The following DOCK6 variants were observed in gnomAD, a reference collection of about 807,000 sequenced individuals.
DOCK6 encodes dedicator of cytokinesis protein 6.
Under a neutral mutation model 230.3 loss-of-function variants are expected in DOCK6, and 167 were observed. The ratio of observed to expected loss-of-function variants is 0.73; its 90% CI spans 0.64 to 0.82. The LOEUF (loss-of-function observed/expected upper bound fraction) is 0.82. DOCK6 is among the 40% of genes least tolerant of loss of function. The probability of loss-of-function intolerance (pLI) is 0.00; values close to 1 mark genes in which losing one functional copy is unlikely to be tolerated. For synonymous variants in DOCK6, 1,148 were observed against 1,185.0 expected (o/e 0.97, Z 0.64); for missense variants, 2,598 against 2,825.8 (o/e 0.92, Z 1.83).
chr19:11,233,765 A>T (rs1232211406), intron 21 of DOCK6, among the ~76,000 whole-genome samples: 2 of 152,000 alleles, frequency 1.3e-5, no homozygotes, highest in Non-Finnish European at 2.9e-5. Context: ...ACTTGAGCCC[A>T]GGAGTTTAAG....
In DOCK6 at chr19:11,214,718, C is replaced by T. The variant is rs1199732529; in HGVS notation, c.4107-69G>A. On this transcript the variant is annotated intron_variant, in intron 32 of 47. Transcript: ENST00000294618. ...TCCTACTCCATGGCTGAGCTCTCTCCTTCCCCTGGCAGCCCAGGGGGCACT... is the reference window on the plus strand; with the variant it reads ...TCCTACTCCATGGCTGAGCTCTCTCTTTCCCCTGGCAGCCCAGGGGGCACT... 3.4e-6 allele frequency: 5 copies of T among 1,469,572 alleles called. No individual in the cohort carries two copies. In the Admixed American group the frequency reaches 5.7e-5, roughly 17 times the overall value. The allele number at this position is 1,469,572 out of a possible 1,614,324, so 91.0% of individuals were successfully genotyped here.
In DOCK6 at chr19:11,238,806, G is replaced by A. The variant is rs187728701; in HGVS notation, c.1644-502C>T. ...CCAGGGGCAACTCTGTGCAAGCCTT[G>A]ACCCCTCTCTGGGCCTCAGTTTCCC... On this transcript the variant is annotated intron_variant, in intron 14 of 47. Transcript: ENST00000294618. 36 of 162,568 alleles carry A rather than the reference G, an allele frequency of 2.2e-4. 1 individual carries two copies. The East Asian group carries it at 4.0e-3, about 18-fold the overall frequency. The allele number at this position is 162,568 out of a possible 1,614,324, so 10.1% of individuals were successfully genotyped here.
chr19:11,226,666 AAAC>A (rs1017007060), intron 24 of DOCK6, among the ~76,000 whole-genome samples: 8 of 152,194 alleles, frequency 5.3e-5, no homozygotes, highest in South Asian at 2.1e-4. Context: ...CTCAGAAAAA[AAAC>A]AACAACAAAA....
In DOCK6 at chr19:11,235,635, G is replaced by C. The variant is rs564520057; in HGVS notation, c.2517C>G (p.Ala839=). ...CPQLAAYVHY[A]FRLPGTEPSL... is the part of the protein sequence containing the mutation. ...TGGGCTCAGTGCCAGGAAGGCGAAA[G>C]GCGTAGTGGACGTAGGCAGCCAGCT... Residue 839 remains alanine, a synonymous_variant, in exon 21 of 48, where the codon GCC becomes GCG. Transcript: ENST00000294618. 1 of 1,604,010 alleles carries C rather than the reference G, an allele frequency of 6.2e-7. No individual in the cohort carries two copies. The highest frequency in any genetic ancestry group is 2.2e-5 in the East Asian group (1 of 44,518).
rs745910688 is a variant in DOCK6, at chr19:11,209,119, G to A, written c.4752-16C>T. ...CCGGGCAATTCTGGAGTCCAGGTGAGGGGGGATGTGAGGAGGGGACTCACC... is the reference window on the plus strand; with the variant it reads ...CCGGGCAATTCTGGAGTCCAGGTGAAGGGGGATGTGAGGAGGGGACTCACC... On this transcript the variant is annotated splice_polypyrimidine_tract_variant and intron_variant, in intron 37 of 47. Transcript: ENST00000294618. The A allele has an allele frequency of 2.9e-5, 47 of 1,606,880 alleles. No individual in the cohort carries two copies. Among genetic ancestry groups the A allele is most frequent in the Middle Eastern group, 1.8e-4 (1 of 5,478 alleles).
At chr19:11,209,223 T>C (rs919043342) in intron 37 of DOCK6, 120 bp from the exon 38 acceptor site, 23 of 1,150,802 alleles carry the variant, frequency 2.0e-5, no homozygotes, top group Non-Finnish European at 6.2e-6. Flanking sequence ...CCAGCCAATC[T>C]CCTCACCTGT....
chr19:11,248,010 G>T, intron 7 of DOCK6, 56 bp downstream of exon 7: 1 of 1,499,206 alleles, frequency 6.7e-7, no homozygotes, highest in South Asian at 1.2e-5. Flanking sequence ...GTACCCCGCC[G>T]GAACCCATGT....
intron 6 of DOCK6, among the ~76,000 whole-genome samples, chr19:11,248,565 C>T (rs1461147822): frequency 6.6e-6 from 1 of 152,110 alleles, no homozygotes; most frequent in African/African-American, 2.4e-5. Flanking sequence ...TTAGCCAACA[C>T]TTCCTCCAGG....
chr19:11,236,297 A>C lies in DOCK6; in HGVS notation c.2392+49T>G. ...AAGATCCCTCAGGACCTCAGGACTG[A>C]GAAGCCATGTGGATGGGGAAACTGA... On this transcript the variant is annotated intron_variant, in intron 20 of 47. Coordinates refer to ENST00000294618, the MANE Select transcript of DOCK6 (RefSeq NM_020812.4). The surrounding 1 kb of genome is among the most constrained non-coding windows in gnomAD (Gnocchi z 5.2). The C allele has an allele frequency of 6.7e-7, 1 of 1,491,814 alleles. No homozygotes were observed. Among genetic ancestry groups the C allele is most frequent in the Non-Finnish European group, 9.1e-7 (1 of 1,102,396 alleles). The allele number at this position is 1,491,814 out of a possible 1,614,324, so 92.4% of individuals were successfully genotyped here.
Position 11,243,445 on chromosome 19 carries a change from G to C in DOCK6, c.1259-60C>G. On this transcript the variant is annotated intron_variant, in intron 11 of 47. Coordinates refer to ENST00000294618, the MANE Select transcript of DOCK6 (RefSeq NM_020812.4). This position sits in a 1 kb window ranked among gnomAD's most constrained non-coding sequence, Gnocchi z 6.3. ...CAAGATGAAACAGGGAGACTCAGGG[G>C]CGGCACAGTTCGGCCAGCAGAGGGC... is the stretch of plus-strand genomic sequence containing the variant. 1 of 1,571,446 alleles carries C rather than the reference G, an allele frequency of 6.4e-7. No individual in the cohort carries two copies. The highest frequency in any genetic ancestry group is 8.6e-7 in the Non-Finnish European group (1 of 1,160,576).
At chr19:11,214,104 T>G (rs2079438455) in intron 34 of DOCK6, among the ~76,000 whole-genome samples, 171 bp downstream of exon 34, 1 of 152,056 alleles carries the variant, frequency 6.6e-6, no homozygotes, top group South Asian at 2.1e-4. Flanking sequence ...TTAATTTTTT[T>G]GTAGAGACAG....
chr19:11,222,146 T>C lies in DOCK6; in HGVS notation c.3343A>G (p.Thr1115Ala), dbSNP rs201175495. 1.4e-4 allele frequency: 218 copies of C among 1,612,848 alleles called. No individual in the cohort carries two copies. In the African/African-American group the frequency reaches 2.3e-3, roughly 17 times the overall value. Residue 1115 changes from threonine (T) to alanine (A), a missense_variant, in exon 27 of 48, where the codon ACG becomes GCG. Transcript: ENST00000294618. This position sits in a 1 kb window ranked among gnomAD's most constrained non-coding sequence, Gnocchi z 4.0. ...GGTTCGAGGGCCAGTGCCAGCTCCGTCAGCAGGAGCCCAGCTAGGAAGTGC... is the reference window on the plus strand; with the variant it reads ...GGTTCGAGGGCCAGTGCCAGCTCCGCCAGCAGGAGCCCAGCTAGGAAGTGC... ...QQHFLAGLLLTELALALEPEA... is the reference protein window; with the variant it reads ...QQHFLAGLLLAELALALEPEA...
intron 14 of DOCK6, chr19:11,241,693 C>A (rs368517375): frequency 1.3e-6 from 2 of 1,582,290 alleles, no homozygotes; most frequent in African/African-American, 2.7e-5. Context: ...CCTGAATCTG[C>A]CTGGATGGAA....
At chr19:11,221,667 G>T in intron 28 of DOCK6, 184 bp downstream of exon 28, 1 of 793,094 alleles carries the variant, frequency 1.3e-6, no homozygotes, top group Non-Finnish European at 2.0e-6. Context: ...CTCCATTACA[G>T]GGGAGAAACC....
At chr19:11,252,728 G>A (rs2080137419) in intron 3 of DOCK6, 55 bp downstream of exon 3, 2 of 1,596,648 alleles carry the variant, frequency 1.3e-6, no homozygotes, top group South Asian at 1.1e-5. Context: ...CTGTTGATGG[G>A]GTTGGCAGAG....
intron 1 of DOCK6, chr19:11,254,021 C>T (rs1328812604): frequency 9.6e-6 from 3 of 313,802 alleles, no homozygotes; most frequent in African/African-American, 2.2e-5. Flanking sequence ...GGGAGGCCCA[C>T]GGGTCCCTGG....
chr19:11,252,018 C>G, intron 5 of DOCK6, 101 bp downstream of exon 5: 1 of 1,528,604 alleles, frequency 6.5e-7, no homozygotes, highest in Non-Finnish European at 8.8e-7. Context: ...TCCTTTTGAG[C>G]TCAAGGCTGT....
intron 7 of DOCK6, among the ~76,000 whole-genome samples, chr19:11,246,387 T>A (rs1048063204): frequency 6.6e-6 from 1 of 152,106 alleles, no homozygotes; most frequent in African/African-American, 2.4e-5. Context: ...ATAATAGGCA[T>A]GAGCCATCAC....
At position 11,199,383 on chromosome 19, in the gene DOCK6, G is replaced by T; in HGVS notation, c.*114C>A. 7.8e-7 allele frequency: 1 copy of T among 1,278,288 alleles called. No individual in the cohort carries two copies. Among genetic ancestry groups the T allele is most frequent in the African/African-American group, 1.5e-5 (1 of 67,624 alleles). The allele number at this position is 1,278,288 out of a possible 1,614,324, so 79.2% of individuals were successfully genotyped here. A position where few individuals can be genotyped will look rare whatever the true frequency, so the allele number is the denominator to read the frequency against. On this transcript the variant is annotated 3_prime_UTR_variant, in exon 48 of 48. Coordinates refer to ENST00000294618, the MANE Select transcript of DOCK6 (RefSeq NM_020812.4). ...ACAGGGGCAGAGGGCCCAGCCCCAA[G>T]TACAGTGTGGTCACCCCACAGCCCA...
Sources: allele counts gnomAD v4.1 joint callset (sites outside exome capture counted in the v4.1 genomes callset), GRCh38; gene constraint gnomAD v4.1.1; non-coding constraint Gnocchi (gnomAD v3.1); transcripts MANE v1.5; gene names NCBI Gene and HGNC (gene_info 2026-07-23, HGNC 2026-07-21).